Variants in GRM4 observed in about 807,000 individuals in gnomAD.
The protein encoded by GRM4 is metabotropic glutamate receptor 4.
A neutral mutation model predicts 81.7 loss-of-function variants in GRM4; 28 were observed. The observed-to-expected ratio is 0.34, with a 90% CI of 0.25 to 0.47. The LOEUF is 0.47. GRM4 is among the 20% of genes least tolerant of loss of function. The probability of loss-of-function intolerance (pLI) is 1.00; values close to 1 mark genes in which losing one functional copy is unlikely to be tolerated. For synonymous variants in GRM4, 488 were observed against 528.8 expected, an observed-to-expected ratio of 0.92 and a Z score of 1.06; for missense variants, 948 against 1,290.0, an observed-to-expected ratio of 0.73 and a Z score of 4.06.
chr6:34,133,140 C>A lies in GRM4; in HGVS notation c.357G>T (p.Ser119=). 1 of 1,613,982 alleles carries A rather than the reference C, an allele frequency of 6.2e-7. No individual in the cohort carries two copies. ...CGATGAGCGCCTGCACAAAGGTCAG[C>A]GACTGCTCGAGGGCATGGGTGTCCC... ...CSRDTHALEQ[S]LTFVQALIEK... is the part of the protein sequence containing the mutation. Residue 119 remains serine (S), a synonymous_variant, in exon 2 of 11, where the codon TCG becomes TCT. Coordinates refer to ENST00000538487, the MANE Select transcript of GRM4 (RefSeq NM_000841.4). This position sits in a 1 kb window ranked among gnomAD's most constrained non-coding sequence, Gnocchi z 6.5.
chr6:34,104,258 G>A (rs1769004516), intron 2 of GRM4, among the ~76,000 whole-genome samples: 2 of 152,238 alleles, frequency 1.3e-5, no homozygotes, highest in Admixed American at 6.5e-5. Context: ...GTGGAGCAGG[G>A]TGGGCTTCCC....
In GRM4 at chr6:34,133,356, C is replaced by T. The variant is rs1415232547; in HGVS notation, c.141G>A (p.Gly47=). ...HPHMNSIRID[G]DITLGGLFPV... ...GGAACAGGCCTCCCAGTGTGATGTC[C>T]CCATCTATGCGGATGGAATTCATGT... The change falls in exon 2 of 11, where the codon GGG becomes GGA. Residue 47 remains glycine, a synonymous_variant. Coordinates refer to ENST00000538487, the MANE Select transcript of GRM4 (RefSeq NM_000841.4). This position sits in a 1 kb window ranked among gnomAD's most constrained non-coding sequence, Gnocchi z 6.5. The T allele has an allele frequency of 3.1e-6, 5 of 1,614,076 alleles. 1 individual carries two copies. The South Asian group carries it at 5.5e-5, about 18-fold the overall frequency.
rs200784021 is a variant in GRM4, at chr6:34,091,874, T to C, written c.736+9A>G. The C allele has an allele frequency of 8.4e-5, 134 of 1,602,434 alleles. No individual in the cohort carries two copies. The East Asian group carries it at 2.6e-3, about 31-fold the overall frequency. ...CTGGCATGACTCTGCGGCCAGGCGTTTGACTCACCGTCCTCACGGGACTTC... is the reference window on the plus strand; with the variant it reads ...CTGGCATGACTCTGCGGCCAGGCGTCTGACTCACCGTCCTCACGGGACTTC... On this transcript the variant is annotated intron_variant, in intron 3 of 10. Transcript: ENST00000538487.
chr6:34,132,188 G>A (rs760774777), intron 2 of GRM4, among the ~76,000 whole-genome samples: 13 of 152,172 alleles, frequency 8.5e-5, no homozygotes, highest in African/African-American at 1.7e-4. Flanking sequence ...GGGGCTGGGA[G>A]GGATTCCAGA....
rs1768063779 is a variant in GRM4 at position 34,089,171 on chromosome 6, G to A, written c.736+2712C>T. Among the ~76,000 whole-genome samples the A allele has an allele frequency of 1.3e-5, 2 of 152,098 alleles. No individual in the cohort carries two copies. Among genetic ancestry groups the A allele is most frequent in the Non-Finnish European group, 2.9e-5 (2 of 68,018 alleles). On this transcript the variant is annotated intron_variant, in intron 3 of 10. Transcript: ENST00000538487. This position sits in a 1 kb window ranked among gnomAD's most constrained non-coding sequence, Gnocchi z 4.3. Reference sequence around the variant, plus strand: ...ACACTTCCAACATGCATCCCAGCCTGGCCAGCATGCCCTCCCCACCACTCC... The same window carrying A: ...ACACTTCCAACATGCATCCCAGCCTAGCCAGCATGCCCTCCCCACCACTCC...
Position 34,036,362 on chromosome 6 carries a change from C to A in GRM4, c.1748G>T (p.Trp583Leu). The change falls in exon 9 of 11, where the codon TGG becomes TTG. Residue 583 changes from tryptophan (W) to leucine (L), a missense_variant. Transcript: ENST00000538487. This position sits in a 1 kb window ranked among gnomAD's most constrained non-coding sequence, Gnocchi z 9.0. ...GGGCAGCACGGCCCAGGGCGAGCCCCACTCAAGCTTGATGATGGGGATGGG... is the reference window on the plus strand; with the variant it reads ...GGGCAGCACGGCCCAGGGCGAGCCCAACTCAAGCTTGATGATGGGGATGGG... ...CRPIPIIKLE[W>L]GSPWAVLPLF... 6.2e-7 allele frequency: 1 copy of A among 1,613,150 alleles called. No homozygotes were observed. Among genetic ancestry groups the A allele is most frequent in the Non-Finnish European group, 8.5e-7 (1 of 1,179,420 alleles).
rs200152684 is a variant in GRM4 at position 34,040,657 on chromosome 6, C to T, written c.1260G>A (p.Leu420=). The part of the protein sequence containing the change: ...IDAVYAMGHA[L]HAMHRDLCPG... ...GACACAGGTCACGGTGCATGGCGTG[C>T]AGCGCGTGGCCCATGGCGTACACGG... is the stretch of plus-strand genomic sequence containing the variant. Residue 420 remains leucine, a synonymous_variant, in exon 7 of 11, where the codon CTG becomes CTA. Transcript: ENST00000538487. The T allele has an allele frequency of 5.1e-5, 82 of 1,613,992 alleles. No individual in the cohort carries two copies. The East Asian group carries it at 1.8e-3, about 36-fold the overall frequency.
intron 2 of GRM4, among the ~76,000 whole-genome samples, chr6:34,108,796 G>A (rs1769244394): frequency 6.6e-6 from 1 of 151,844 alleles, no homozygotes; most frequent in African/African-American, 2.4e-5. Flanking sequence ...GCCATCTCCT[G>A]GCTGCCCACC....
intron 2 of GRM4, among the ~76,000 whole-genome samples, chr6:34,109,764 G>A (rs532533599): frequency 1.8e-4 from 27 of 152,050 alleles, no homozygotes; most frequent in African/African-American, 5.6e-4. Context: ...CACTTCACAC[G>A]GTAGTCAATT....
intron 3 of GRM4, among the ~76,000 whole-genome samples, chr6:34,073,208 A>G (rs1415835411): frequency 7.0e-6 from 1 of 143,512 alleles, no homozygotes; most frequent in African/African-American, 2.6e-5. Flanking sequence ...ACACCCACAC[A>G]TCACACAAAC....
rs1303548874 is a variant in GRM4, at chr6:34,042,706, G to A, written c.1169-1958C>T. ...CCCCCATAGGCCAGGGTTAAGCTGG[G>A]TCCACATGAGGCAGTGATTCCCCGG... On this transcript the variant is annotated intron_variant, in intron 6 of 10. Coordinates refer to ENST00000538487, the MANE Select transcript of GRM4 (RefSeq NM_000841.4). This position sits in a 1 kb window ranked among gnomAD's most constrained non-coding sequence, Gnocchi z 4.2. 1.3e-5 allele frequency among the ~76,000 whole-genome samples: 2 copies of A among 152,162 alleles called. No homozygotes were observed. Among genetic ancestry groups the A allele is most frequent in the East Asian group, 3.8e-4 (2 of 5,206 alleles).
Position 34,090,134 on chromosome 6 carries a change from C to T in GRM4, c.736+1749G>A, listed in dbSNP as rs538147939. ...CTACCTCGTAGGGCAGGAAGGACTGCCCAGGACAGCAGGTGCTGGGCACAG... is the reference window on the plus strand; with the variant it reads ...CTACCTCGTAGGGCAGGAAGGACTGTCCAGGACAGCAGGTGCTGGGCACAG... On this transcript the variant is annotated intron_variant, in intron 3 of 10. Transcript: ENST00000538487. This position sits in a 1 kb window ranked among gnomAD's most constrained non-coding sequence, Gnocchi z 5.2. 6.4e-4 allele frequency among the ~76,000 whole-genome samples: 97 copies of T among 152,246 alleles called. 1 individual carries two copies. The highest frequency in any genetic ancestry group is 5.2e-3 in the Admixed American group (79 of 15,292).
In GRM4 at chr6:34,026,925, C is replaced by T. The variant is rs888576897; in HGVS notation, c.2689+1195G>A. On this transcript the variant is annotated intron_variant, in intron 10 of 10. Coordinates refer to ENST00000538487, the MANE Select transcript of GRM4 (RefSeq NM_000841.4). ...GGACCTGGGACCTGGGAAGGAAGGT[C>T]TCCATGGGAAGGAGGAAAACTGGAA... Among the ~76,000 whole-genome samples the T allele has an allele frequency of 5.3e-5, 8 of 152,318 alleles. No individual in the cohort carries two copies. The South Asian group carries it at 1.5e-3, about 28-fold the overall frequency.
chr6:34,071,303 C>T (rs1561790231), intron 3 of GRM4, among the ~76,000 whole-genome samples: 3 of 143,324 alleles, frequency 2.1e-5, no homozygotes, highest in African/African-American at 7.9e-5. Context: ...ACACACATCA[C>T]CACAGAGATA....
Position 34,022,879 on chromosome 6 carries a change from A to G in GRM4, c.2690-9T>C, listed in dbSNP as rs750746317. 2.5e-6 allele frequency: 4 copies of G among 1,612,696 alleles called. No homozygotes were observed. The highest frequency in any genetic ancestry group is 3.4e-6 in the Non-Finnish European group (4 of 1,178,694). On this transcript the variant is annotated splice_polypyrimidine_tract_variant and intron_variant, in intron 10 of 10. Transcript: ENST00000538487. This position sits in a 1 kb window ranked among gnomAD's most constrained non-coding sequence, Gnocchi z 5.6. ...CTGTTTGGTGGCCAGCGCTGGAAGG[A>G]GAGAGACCAGGGGTACCCAGGAGTC...
chr6:34,052,579 A>C (rs1020779559), intron 6 of GRM4, among the ~76,000 whole-genome samples: 2 of 152,202 alleles, frequency 1.3e-5, no homozygotes, highest in African/African-American at 2.4e-5. Context: ...TGTGGGACTG[A>C]AACAGAGGCC....
chr6:34,147,491 T>C (rs188492768), upstream of GRM4, among the ~76,000 whole-genome samples: 111 of 152,356 alleles, frequency 7.3e-4, no homozygotes, highest in Middle Eastern at 3.4e-3. Context: ...AACCCGCCTG[T>C]GTCACATGTG....
chr6:34,040,617 G>A lies in GRM4; in HGVS notation c.1300C>T (p.Leu434Phe), dbSNP rs747952325. ...TCTACAGGGTCCATGCGCGGGCAGA[G>A]CCCCACGCGGCCGGGACACAGGTCA... Reference protein sequence around the residue: ...HRDLCPGRVGLCPRMDPVDGT... With the variant: ...HRDLCPGRVGFCPRMDPVDGT... Residue 434 changes from leucine to phenylalanine, a missense_variant, in exon 7 of 11, where the codon CTC becomes TTC. Coordinates refer to ENST00000538487, the MANE Select transcript of GRM4 (RefSeq NM_000841.4). The A allele has an allele frequency of 6.2e-7, 1 of 1,614,092 alleles. No homozygotes were observed. Among genetic ancestry groups the A allele is most frequent in the Non-Finnish European group, 8.5e-7 (1 of 1,179,950 alleles).
At chr6:34,117,049 C>T (rs1442708837) in intron 2 of GRM4, among the ~76,000 whole-genome samples, 2 of 152,230 alleles carry the variant, frequency 1.3e-5, no homozygotes, top group Non-Finnish European at 2.9e-5. Context: ...GGGAGCTTTC[C>T]AGGGCACTGA....
Sources: gnomAD v4.1 joint callset for allele counts (sites outside exome capture counted in the v4.1 genomes callset) on GRCh38, gnomAD v4.1.1 for gene constraint, Gnocchi (gnomAD v3.1) non-coding constraint, MANE v1.5 for transcripts, NCBI Gene and HGNC (gene_info 2026-07-23, HGNC 2026-07-21) for gene names.